Variants in MLLT3 observed in about 807,000 individuals in gnomAD.
The protein encoded by MLLT3 is protein AF-9.
MLLT3 carries 4 observed loss-of-function variants against 53.2 expected under a neutral mutation model. The observed-to-expected ratio is 0.08, with a 90% confidence interval of 0.04 to 0.17. MLLT3 has a LOEUF of 0.17. Ranked by LOEUF, MLLT3 falls within the 10% of genes least tolerant of loss-of-function variation. The pLI, the probability that MLLT3 is intolerant of heterozygous loss-of-function variation, is 1.00. For missense variants in MLLT3, 569 were observed against 684.0 expected, an observed-to-expected ratio of 0.83 and a Z score of 1.87; for synonymous variants, 283 against 230.6, an observed-to-expected ratio of 1.23 and a Z score of -2.06.
At chr9:20,383,255 G>A (rs1467254638) in intron 5 of MLLT3, among the ~76,000 whole-genome samples, 1 of 151,494 alleles carries the variant, frequency 6.6e-6, no homozygotes, top group Non-Finnish European at 1.5e-5. Flanking sequence ...TATGATGGGG[G>A]GTACGTTATT....
At chr9:20,577,254 G>A (rs1056660482) in intron 2 of MLLT3, among the ~76,000 whole-genome samples, 2 of 151,882 alleles carry the variant, frequency 1.3e-5, no homozygotes, top group Non-Finnish European at 2.9e-5. Context: ...TATTTTTAAG[G>A]CCCTGAATGT....
intron 2 of MLLT3, among the ~76,000 whole-genome samples, chr9:20,518,095 T>C (rs1336741540): frequency 6.6e-6 from 1 of 152,150 alleles, no homozygotes; most frequent in Non-Finnish European, 1.5e-5. Context: ...ATCCTAGCAC[T>C]TTGGGAGGTG....
At chr9:20,501,757 C>CAAAAAA (rs936828819) in intron 2 of MLLT3, among the ~76,000 whole-genome samples, 2 of 18,596 alleles carry the variant, frequency 1.1e-4, no homozygotes, top group Non-Finnish European at 1.0e-4. Flanking sequence ...GACTCCGTCT[C>CAAAAAA]AAAAAAAAAA....
At chr9:20,412,566 T>C (rs1397744793) in intron 5 of MLLT3, among the ~76,000 whole-genome samples, 2 of 152,184 alleles carry the variant, frequency 1.3e-5, no homozygotes, top group Non-Finnish European at 1.5e-5. Context: ...ACAGCAAATC[T>C]GCTACTATGC....
At chr9:20,362,694 G>C (rs976845186) in intron 7 of MLLT3, 2 of 142,748 alleles carry the variant, frequency 1.4e-5, no homozygotes, top group African/African-American at 5.6e-5. Flanking sequence ...TCTCCAGTTT[G>C]GGTTAAGACC....
chr9:20,535,721 A>T (rs952032830), intron 2 of MLLT3, among the ~76,000 whole-genome samples: 5 of 152,232 alleles, frequency 3.3e-5, no homozygotes, highest in Admixed American at 2.6e-4. Context: ...GATGCTCACC[A>T]GAATTAAATT....
At chr9:20,370,290 T>C (rs948039557) in intron 5 of MLLT3, among the ~76,000 whole-genome samples, 19 of 152,234 alleles carry the variant, frequency 1.2e-4, no homozygotes, top group African/African-American at 4.6e-4. Context: ...TGATCTTTGA[T>C]GCTACTATTG....
intron 2 of MLLT3, among the ~76,000 whole-genome samples, chr9:20,574,588 T>C (rs1187080199): frequency 1.3e-5 from 2 of 152,232 alleles, no homozygotes; most frequent in African/African-American, 2.4e-5. Context: ...AAATGCTTTA[T>C]TGCTTAAAAA....
chr9:20,420,318 G>A (rs1485729790), intron 4 of MLLT3, among the ~76,000 whole-genome samples: 2 of 152,084 alleles, frequency 1.3e-5, no homozygotes, highest in Non-Finnish European at 2.9e-5. Context: ...CTGTCAGACT[G>A]GGCTAAAAAG....
At chr9:20,421,344 C>G (rs1210662904) in intron 4 of MLLT3, among the ~76,000 whole-genome samples, 1 of 151,880 alleles carries the variant, frequency 6.6e-6, no homozygotes, top group East Asian at 1.9e-4. Flanking sequence ...ATAAAAAAAA[C>G]TCTGGAGGCA....
At chr9:20,590,531 T>C (rs752562902) in intron 2 of MLLT3, among the ~76,000 whole-genome samples, 1 of 152,216 alleles carries the variant, frequency 6.6e-6, no homozygotes, top group Admixed American at 6.5e-5. Flanking sequence ...GTGTTCATTG[T>C]CTGTCTGTCT....
At chr9:20,453,424 G>A (rs149104923) in intron 3 of MLLT3, among the ~76,000 whole-genome samples, 4 of 152,220 alleles carry the variant, frequency 2.6e-5, no homozygotes, top group Admixed American at 1.3e-4. Context: ...AGCCGGGTCC[G>A]TGGTGGTGCA....
intron 2 of MLLT3, among the ~76,000 whole-genome samples, chr9:20,512,265 C>A (rs1442236989): frequency 6.6e-6 from 1 of 152,170 alleles, no homozygotes; most frequent in Non-Finnish European, 1.5e-5. Flanking sequence ...TATTTTCACT[C>A]CACAGTAGAT....
chr9:20,387,830 C>T (rs974269217), intron 5 of MLLT3, among the ~76,000 whole-genome samples: 8 of 152,178 alleles, frequency 5.3e-5, no homozygotes, highest in Non-Finnish European at 2.9e-5. Flanking sequence ...CTAAAGGTCA[C>T]TCGTTTAGCA....
At chr9:20,473,323 G>A (rs1439589670) in intron 2 of MLLT3, among the ~76,000 whole-genome samples, 3 of 152,028 alleles carry the variant, frequency 2.0e-5, no homozygotes, top group Admixed American at 6.6e-5. Context: ...GGAGCATGAT[G>A]TACAATCATC....
At chr9:20,539,652 TC>T (rs931800169) in intron 2 of MLLT3, among the ~76,000 whole-genome samples, 3 of 152,118 alleles carry the variant, frequency 2.0e-5, no homozygotes, top group Non-Finnish European at 4.4e-5. Flanking sequence ...ACTAGATACC[TC>T]CCCTGACACA....
intron 2 of MLLT3, among the ~76,000 whole-genome samples, chr9:20,506,185 G>A (rs923066448): frequency 1.3e-5 from 2 of 151,960 alleles, no homozygotes; most frequent in African/African-American, 4.8e-5. Flanking sequence ...CCCCCAAGTA[G>A]TTGGGATTAC....
chr9:20,397,192 C>T (rs943627914), intron 5 of MLLT3, among the ~76,000 whole-genome samples: 5 of 152,084 alleles, frequency 3.3e-5, no homozygotes, highest in Non-Finnish European at 7.4e-5. Flanking sequence ...GTGTTTTATA[C>T]CTTATTTGAA....
intron 4 of MLLT3, among the ~76,000 whole-genome samples, chr9:20,427,360 C>T (rs1373187293): frequency 6.7e-6 from 1 of 148,266 alleles, no homozygotes; most frequent in African/African-American, 2.5e-5. Context: ...AGTTAAACAG[C>T]GGACTGAACA....
Sources: gnomAD v4.1 joint callset for allele counts (sites outside exome capture counted in the v4.1 genomes callset) on GRCh38, gnomAD v4.1.1 for gene constraint, MANE v1.5 for transcripts, NCBI Gene and HGNC (gene_info 2026-07-23, HGNC 2026-07-21) for gene names.